TLN2: variants seen among roughly 807,000 people sequenced by gnomAD.
The protein encoded by TLN2 is talin 2, also known as talin-2.
A neutral mutation model predicts 294.7 loss-of-function variants in TLN2; 118 were observed. The observed-to-expected ratio is 0.40, with a 90% CI of 0.34 to 0.47. The LOEUF is 0.47. Ranked by LOEUF, TLN2 falls within the 20% of genes least tolerant of loss-of-function variation. The pLI, the probability that TLN2 is intolerant of heterozygous loss-of-function variation, is 0.84. For synonymous variants in TLN2, 1,431 were observed against 1,304.5 expected (o/e 1.10, Z -2.09); for missense variants, 3,083 against 3,282.2 (o/e 0.94, Z 1.48).
intron 1 of TLN2, among the ~76,000 whole-genome samples, chr15:62,455,349 A>G (rs1280519076): frequency 6.6e-6 from 1 of 152,132 alleles, no homozygotes; most frequent in Non-Finnish European, 1.5e-5. Flanking sequence ...AATCTGCAGA[A>G]TGTCAAAAAG....
chr15:62,547,840 T>C (rs2042078448), intron 1 of TLN2, among the ~76,000 whole-genome samples: 1 of 152,192 alleles, frequency 6.6e-6, no homozygotes, highest in African/African-American at 2.4e-5. Flanking sequence ...CCGTGGCCAA[T>C]TGTGTGATGT....
chr15:62,476,215 CCTG>C (rs1227470425), intron 1 of TLN2: 1 of 152,302 alleles, frequency 6.6e-6, no homozygotes, highest in East Asian at 1.9e-4. Context: ...TTTCCCTCCT[CCTG>C]CTTTGTCACC....
intron 1 of TLN2, among the ~76,000 whole-genome samples, chr15:62,477,925 A>C: frequency 3.4e-5 from 1 of 29,162 alleles, no homozygotes; most frequent in African/African-American, 1.3e-4. Context: ...GCGGGGGCAG[A>C]GGGGAGCGGG....
In TLN2 at chr15:62,657,156, G is replaced by GA. The variant is rs960248164; in HGVS notation, c.661-615_661-614insA. ...GAGAAAGGAAAGGCTGAAAAGGTGG[G>GA]GGGGGGAAGCAACAGCAGTGATGGA... On this transcript the variant is annotated intron_variant, in intron 8 of 58. Coordinates refer to ENST00000636159, the MANE Select transcript of TLN2 (RefSeq NM_015059.3). Among the ~76,000 whole-genome samples, 438 of 151,326 alleles carry GA rather than the reference G, an allele frequency of 2.9e-3. 2 individuals carry two copies. Among genetic ancestry groups the GA allele is most frequent in the African/African-American group, 0.01 (424 of 41,294 alleles).
At chr15:62,752,560 G>A (rs2061995841) in intron 35 of TLN2, 133 bp downstream of exon 35, 1 of 1,336,254 alleles carries the variant, frequency 7.5e-7, no homozygotes, top group Admixed American at 2.7e-5. Flanking sequence ...CTTCTGTGCT[G>A]GCTGGGGCAT....
At chr15:62,655,851 C>A (rs113251566) in intron 7 of TLN2, 93 bp from the exon 8 acceptor site, 2 of 1,390,816 alleles carry the variant, frequency 1.4e-6, no homozygotes, top group Non-Finnish European at 9.9e-7. Context: ...ATCAGAGATA[C>A]AGAAATCTGC....
At chr15:62,671,229 T>C (rs1274773830) in intron 9 of TLN2, among the ~76,000 whole-genome samples, 3 of 152,224 alleles carry the variant, frequency 2.0e-5, no homozygotes, top group African/African-American at 7.2e-5. Flanking sequence ...ATTCTATGGA[T>C]TGTATTTTCG....
At chr15:62,780,560 CA>C (rs1307411932) in intron 43 of TLN2, among the ~76,000 whole-genome samples, 1 of 152,240 alleles carries the variant, frequency 6.6e-6, no homozygotes, top group Non-Finnish European at 1.5e-5. Flanking sequence ...TCTTCCACCC[CA>C]CAGTGATCTT....
At chr15:62,593,075 G>A (rs2046211319) in intron 2 of TLN2, among the ~76,000 whole-genome samples, 1 of 152,160 alleles carries the variant, frequency 6.6e-6, no homozygotes, top group African/African-American at 2.4e-5. Flanking sequence ...GAGAATTGTT[G>A]AATCTGTGAA....
chr15:62,766,174 A>C, intron 40 of TLN2, 147 bp from the exon 41 acceptor site: 1 of 580,968 alleles, frequency 1.7e-6, no homozygotes, highest in Non-Finnish European at 3.0e-6. Flanking sequence ...AGGTCAGGGC[A>C]GGGTGCAGTG....
At chr15:62,522,787 T>C (rs2040526220) in intron 1 of TLN2, among the ~76,000 whole-genome samples, 1 of 142,296 alleles carries the variant, frequency 7.0e-6, no homozygotes, top group African/African-American at 2.9e-5. Context: ...AATTTCAGAG[T>C]TCAAAAACCA....
chr15:62,706,970 A>C (rs1189237956), intron 19 of TLN2, 116 bp from the exon 20 acceptor site: 1 of 1,291,008 alleles, frequency 7.7e-7, no homozygotes, highest in Non-Finnish European at 1.0e-6. Context: ...AAAGTAAAAA[A>C]ACTTCTAAAG....
chr15:62,753,656 G>C, intron 35 of TLN2, 117 bp from the exon 36 acceptor site: 1 of 1,316,212 alleles, frequency 7.6e-7, no homozygotes. Flanking sequence ...ACCTTGACCA[G>C]TTTGAACTGA....
chr15:62,711,846 T>A, intron 21 of TLN2, 65 bp from the exon 22 acceptor site: 3 of 1,529,728 alleles, frequency 2.0e-6, no homozygotes, highest in Non-Finnish European at 2.7e-6. Flanking sequence ...CTGTAGTGGC[T>A]CCTGAGGTTT....
At chr15:62,700,139 C>T (rs1010174086) in intron 16 of TLN2, among the ~76,000 whole-genome samples, 9 of 152,214 alleles carry the variant, frequency 5.9e-5, no homozygotes, top group African/African-American at 2.2e-4. Context: ...CTCCAGAGTA[C>T]AAACATGTAT....
chr15:62,697,651 G>A (rs756494858), intron 14 of TLN2, 37 bp from the exon 15 acceptor site: 1 of 1,572,766 alleles, frequency 6.4e-7, no homozygotes, highest in Non-Finnish European at 8.7e-7. Context: ...CCACATGGCT[G>A]GTGTTCTCTC....
intron 3 of TLN2, among the ~76,000 whole-genome samples, chr15:62,640,518 C>G (rs1198699049): frequency 1.3e-5 from 2 of 152,128 alleles, no homozygotes; most frequent in Non-Finnish European, 2.9e-5. Flanking sequence ...TTGTGCCCCC[C>G]TAAGTTGCCC....
At chr15:62,448,411 G>A (rs1279252526) in intron 1 of TLN2, among the ~76,000 whole-genome samples, 3 of 152,226 alleles carry the variant, frequency 2.0e-5, no homozygotes, top group Non-Finnish European at 4.4e-5. Context: ...GAAAGAGTTA[G>A]GCTTGTACTG....
chr15:62,682,252 G>A (rs2056900390), intron 11 of TLN2, among the ~76,000 whole-genome samples: 1 of 152,190 alleles, frequency 6.6e-6, no homozygotes, highest in Admixed American at 6.5e-5. Context: ...TTTGGGCTCT[G>A]AAATTTGAAT....
Sources: allele counts gnomAD v4.1 joint callset (sites outside exome capture counted in the v4.1 genomes callset), GRCh38; gene constraint gnomAD v4.1.1; transcripts MANE v1.5; gene names NCBI Gene and HGNC (gene_info 2026-07-23, HGNC 2026-07-21).